HIPK3: variants seen among roughly 807,000 people sequenced by gnomAD.
HIPK3 encodes homeodomain interacting protein kinase 3, also known as homeodomain-interacting protein kinase 3.
A neutral mutation model predicts 124.2 loss-of-function variants in HIPK3; 47 were observed. The observed-to-expected ratio is 0.38, with a 90% confidence interval of 0.30 to 0.48. HIPK3 has a LOEUF of 0.48. HIPK3 is among the 20% of genes least tolerant of loss of function. HIPK3 has a pLI of 0.98. For synonymous variants in HIPK3, 482 were observed against 515.2 expected (o/e 0.94, Z 0.87); for missense variants, 1,286 against 1,454.3 (o/e 0.88, Z 1.88).
intron 1 of HIPK3, chr11:33,258,474 TG>T: frequency 1.0e-6 from 1 of 985,018 alleles, no homozygotes; most frequent in Non-Finnish European, 1.2e-6. Flanking sequence ...TGCGTGCGTG[TG>T]TGTGATTGTT....
chr11:33,339,204 A>G, intron 5 of HIPK3, 146 bp from the exon 6 acceptor site: 3 of 569,748 alleles, frequency 5.3e-6, no homozygotes, highest in Non-Finnish European at 9.3e-6. Flanking sequence ...ATTTGTTAAT[A>G]TTATTTGTTC....
At chr11:33,288,557 A>G (rs948589712) in intron 2 of HIPK3, among the ~76,000 whole-genome samples, 8 of 152,216 alleles carry the variant, frequency 5.3e-5, no homozygotes, top group African/African-American at 1.9e-4. Context: ...CATATATGCT[A>G]TGGGTAATGC....
At position 33,340,972 on chromosome 11, in the gene HIPK3, A is replaced by C; in HGVS notation, c.1618A>C (p.Lys540Gln). The change falls in exon 7 of 17, where the codon AAG (lysine) becomes CAG (glutamine). Residue 540 changes from lysine (K) to glutamine (Q), a missense_variant. Around this residue, in one of 3 missense-constraint regions of HIPK3, gnomAD observed 810 missense variants for 864.9 expected, o/e 0.94. Transcript: ENST00000303296. ...CCTTCACTTTTTCTTTTACAGTGTA[A>C]AGTCCTGTTTTCATATTATGGATAT... is the stretch of plus-strand genomic sequence containing the variant. ...LLDFPHSNHV[K>Q]SCFHIMDICK... The C allele has an allele frequency of 6.3e-7, 1 of 1,578,636 alleles. No homozygotes were observed. Among genetic ancestry groups the C allele is most frequent in the Non-Finnish European group, 8.7e-7 (1 of 1,152,558 alleles).
intron 1 of HIPK3, among the ~76,000 whole-genome samples, chr11:33,277,725 G>C: frequency 6.6e-6 from 1 of 152,316 alleles, no homozygotes; most frequent in Middle Eastern, 3.4e-3. Context: ...GGATTATAGA[G>C]TATGTCCATT....
intron 1 of HIPK3, among the ~76,000 whole-genome samples, chr11:33,269,723 C>G (rs113210523): frequency 1.3e-5 from 2 of 151,244 alleles, no homozygotes; most frequent in African/African-American, 4.9e-5. Context: ...GTCTATGCCA[C>G]TTTAATGAGA....
At chr11:33,324,168 A>G (rs758470562) in intron 2 of HIPK3, among the ~76,000 whole-genome samples, 74 of 152,336 alleles carry the variant, frequency 4.9e-4, no homozygotes, top group Non-Finnish European at 9.6e-4. Context: ...TTGAGAGCCA[A>G]TTAAGATGAA....
chr11:33,351,746 T>C lies in HIPK3; in HGVS notation c.2946T>C (p.Ser982=), dbSNP rs777884982. 5.6e-6 allele frequency: 9 copies of C among 1,614,204 alleles called. No homozygotes were observed. The highest frequency in any genetic ancestry group is 7.6e-6 in the Non-Finnish European group (9 of 1,180,026). The change falls in exon 15 of 17, where the codon TCT becomes TCC. Residue 982 remains serine, a synonymous_variant. Coordinates refer to ENST00000303296, the MANE Select transcript of HIPK3 (RefSeq NM_005734.5). Reference sequence around the variant, plus strand: ...ATGAAAACACAGAATTGGTATCCTCTGCTGACACAGAAACCAAGCCAGCTG... The same window carrying C: ...ATGAAAACACAGAATTGGTATCCTCCGCTGACACAGAAACCAAGCCAGCTG... ...DTHENTELVS[S]ADTETKPAVC...
intron 1 of HIPK3, among the ~76,000 whole-genome samples, chr11:33,268,457 G>A (rs1851033103): frequency 6.6e-6 from 1 of 151,574 alleles, no homozygotes; most frequent in African/African-American, 2.4e-5. Context: ...TGAGTGAGGT[G>A]GTGCATACCT....
At chr11:33,281,692 A>G (rs552312638) in intron 1 of HIPK3, among the ~76,000 whole-genome samples, 18 of 152,354 alleles carry the variant, frequency 1.2e-4, no homozygotes, top group Non-Finnish European at 2.4e-4. Context: ...TTTTAATTAA[A>G]CACACATGGT....
At chr11:33,345,496 G>C (rs374299699) in intron 8 of HIPK3, among the ~76,000 whole-genome samples, 1 of 152,122 alleles carries the variant, frequency 6.6e-6, no homozygotes, top group Non-Finnish European at 1.5e-5. Flanking sequence ...CCTGTGGAGA[G>C]GGTATATAGG....
chr11:33,308,195 C>T (rs1404396512), intron 2 of HIPK3, among the ~76,000 whole-genome samples: 1 of 152,192 alleles, frequency 6.6e-6, no homozygotes, highest in Non-Finnish European at 1.5e-5. Context: ...ACAGTGACAG[C>T]TGCCATATTC....
intron 2 of HIPK3, among the ~76,000 whole-genome samples, chr11:33,308,442 T>C (rs763676276): frequency 2.0e-5 from 3 of 152,216 alleles, no homozygotes; most frequent in South Asian, 2.1e-4. Flanking sequence ...GTTTTGAGAG[T>C]TACTTTCTGT....
intron 1 of HIPK3, among the ~76,000 whole-genome samples, chr11:33,268,636 T>C (rs1393653156): frequency 6.7e-6 from 1 of 150,156 alleles, no homozygotes; most frequent in Non-Finnish European, 1.5e-5. Flanking sequence ...GAATCTTGTA[T>C]GAAAAGGTGT....
chr11:33,262,857 G>A (rs1281721615), intron 1 of HIPK3, among the ~76,000 whole-genome samples: 3 of 151,206 alleles, frequency 2.0e-5, no homozygotes, highest in Admixed American at 6.6e-5. Context: ...TTGCTCCATG[G>A]CCTGGGCTGG....
intron 2 of HIPK3, among the ~76,000 whole-genome samples, chr11:33,287,898 C>T (rs1252870380): frequency 1.3e-5 from 2 of 152,136 alleles, no homozygotes; most frequent in African/African-American, 4.8e-5. Flanking sequence ...TATAATCAAT[C>T]ATATGTAACT....
intron 2 of HIPK3, among the ~76,000 whole-genome samples, chr11:33,315,817 T>TCG (rs1199161344): frequency 6.6e-6 from 1 of 152,250 alleles, no homozygotes; most frequent in African/African-American, 2.4e-5. Flanking sequence ...CTCCATCTCT[T>TCG]GAGTTTAAAA....
chr11:33,298,182 G>A (rs55724608), intron 2 of HIPK3, among the ~76,000 whole-genome samples: 1 of 152,186 alleles, frequency 6.6e-6, no homozygotes, highest in Non-Finnish European at 1.5e-5. Flanking sequence ...GAGCCCTTTA[G>A]AATTACGCCA....
chr11:33,328,860 T>C (rs892606917), intron 3 of HIPK3, among the ~76,000 whole-genome samples: 11 of 152,178 alleles, frequency 7.2e-5, no homozygotes, highest in African/African-American at 1.9e-4. Context: ...TGTAAAATTA[T>C]TGGGAAAATT....
At chr11:33,344,977 G>T (rs1323019031) in intron 8 of HIPK3, among the ~76,000 whole-genome samples, 1 of 152,068 alleles carries the variant, frequency 6.6e-6, no homozygotes, top group Non-Finnish European at 1.5e-5. Flanking sequence ...TTATTGGGCA[G>T]CTATTTGAGA....
Sources: gnomAD v4.1 joint callset for allele counts (sites outside exome capture counted in the v4.1 genomes callset) on GRCh38, gnomAD v4.1.1 for gene constraint, gnomAD v4.1.1 regional missense constraint, MANE v1.5 for transcripts, NCBI Gene and HGNC (gene_info 2026-07-23, HGNC 2026-07-21) for gene names.